MIPOL1: variants seen among roughly 807,000 people sequenced by gnomAD.
MIPOL1 encodes the protein mirror-image polydactyly gene 1 protein.
Under a neutral mutation model 60.9 loss-of-function variants are expected in MIPOL1, and 57 were observed. The ratio of observed to expected loss-of-function variants is 0.94; its 90% CI spans 0.76 to 1.17. The LOEUF (loss-of-function observed/expected upper bound fraction) is 1.17, where lower values mean the gene tolerates loss of function less well. Ranked by LOEUF, MIPOL1 falls within the 50% of genes most tolerant of loss-of-function variation. The pLI is 0.00. For synonymous variants in MIPOL1, 179 were observed against 168.8 expected (o/e 1.06, Z -0.47); for missense variants, 551 against 511.6 (o/e 1.08, Z -0.74).
At chr14:37,443,213 A>G (rs2094277651) in intron 11 of MIPOL1, among the ~76,000 whole-genome samples, 1 of 152,114 alleles carries the variant, frequency 6.6e-6, no homozygotes, top group Non-Finnish European at 1.5e-5. Context: ...TATCCATTAA[A>G]GAAATTGAAG....
chr14:37,400,485 T>G (rs2093461454), intron 10 of MIPOL1: 1 of 152,196 alleles, frequency 6.6e-6, no homozygotes, highest in Admixed American at 6.5e-5. Flanking sequence ...ATACTGGGAC[T>G]GAAGCTTGTT....
At chr14:37,288,338 A>G (rs570925917) in intron 7 of MIPOL1, among the ~76,000 whole-genome samples, 2 of 152,134 alleles carry the variant, frequency 1.3e-5, no homozygotes, top group Admixed American at 6.6e-5. Context: ...AAAAAGAGAG[A>G]TAGGGAGTGG....
At chr14:37,297,375 T>C (rs1458171180) in intron 7 of MIPOL1, among the ~76,000 whole-genome samples, 1 of 152,156 alleles carries the variant, frequency 6.6e-6, no homozygotes, top group Non-Finnish European at 1.5e-5. Flanking sequence ...ACTGGAAGCA[T>C]TCCCTTTGAA....
intron 1 of MIPOL1, among the ~76,000 whole-genome samples, chr14:37,239,055 T>C (rs1971951100): frequency 6.7e-6 from 1 of 149,604 alleles, no homozygotes; most frequent in African/African-American, 2.4e-5. Context: ...TTAATTTTTT[T>C]TTTTTTTTTT....
At chr14:37,289,593 G>A (rs1044603604) in intron 7 of MIPOL1, among the ~76,000 whole-genome samples, 1 of 152,182 alleles carries the variant, frequency 6.6e-6, no homozygotes, top group African/African-American at 2.4e-5. Context: ...CAAGGTATGG[G>A]GGAAGAGGTG....
intron 1 of MIPOL1, among the ~76,000 whole-genome samples, chr14:37,231,906 C>T (rs148093204): frequency 6.6e-6 from 1 of 151,718 alleles, no homozygotes; most frequent in African/African-American, 2.4e-5. Context: ...ATAGGGAGAT[C>T]GTATCTCTAC....
At position 37,427,349 on chromosome 14, in the gene MIPOL1, G is replaced by T. The variant is rs149521215; in HGVS notation, c.1031+4400G>T. Among the ~76,000 whole-genome samples, 71 of 152,196 alleles carry T rather than the reference G, an allele frequency of 4.7e-4. No homozygotes were observed. In the East Asian group the frequency reaches 0.013, roughly 28 times the overall value. ...GATTGTATGATTCCACTTATATGAG[G>T]TACTTAAAATAGCCAAGTTCATAGA... is the stretch of plus-strand genomic sequence containing the variant. On this transcript the variant is annotated intron_variant, in intron 11 of 12. Transcript: ENST00000684589.
At chr14:37,410,612 G>T (rs1357015040) in intron 10 of MIPOL1, among the ~76,000 whole-genome samples, 2 of 152,012 alleles carry the variant, frequency 1.3e-5, no homozygotes, top group Admixed American at 6.6e-5. Context: ...TGAATATTCG[G>T]TCAACAAAAT....
Position 37,291,515 on chromosome 14 carries a change from A to G in MIPOL1, c.623+6068A>G, listed in dbSNP as rs187634752. Among the ~76,000 whole-genome samples the G allele has an allele frequency of 2.0e-3, 299 of 152,202 alleles. 4 individuals are homozygous for G. The highest frequency in any genetic ancestry group is 0.018 in the Admixed American group (269 of 15,276). On this transcript the variant is annotated intron_variant, in intron 7 of 12. Transcript: ENST00000684589. ...ATTTCTCTTTTCACTTTATTGTGTT[A>G]GCCCCTTCTCTTTTATTTTATTGAA...
chr14:37,280,920 C>A (rs909374847), intron 6 of MIPOL1, among the ~76,000 whole-genome samples: 1 of 152,152 alleles, frequency 6.6e-6, no homozygotes, highest in African/African-American at 2.4e-5. Flanking sequence ...TGGTATTATT[C>A]TTTTCATTAA....
At chr14:37,334,568 G>A (rs1031919676) in intron 9 of MIPOL1, among the ~76,000 whole-genome samples, 3 of 151,432 alleles carry the variant, frequency 2.0e-5, no homozygotes, top group African/African-American at 2.4e-5. Flanking sequence ...AATATTTTTC[G>A]GTATATTCAG....
At chr14:37,209,801 T>C (rs1433872542) in intron 1 of MIPOL1, among the ~76,000 whole-genome samples, 4 of 151,962 alleles carry the variant, frequency 2.6e-5, no homozygotes, top group African/African-American at 7.2e-5. Flanking sequence ...CCTCCTGGGC[T>C]CAAGCAATCC....
chr14:37,212,047 C>T (rs2139322339), intron 1 of MIPOL1, among the ~76,000 whole-genome samples: 1 of 152,164 alleles, frequency 6.6e-6, no homozygotes, highest in South Asian at 2.1e-4. Context: ...AGCCCTTGGG[C>T]CCTGCATAAT....
chr14:37,365,557 C>T (rs2092443570), intron 9 of MIPOL1, among the ~76,000 whole-genome samples: 2 of 152,068 alleles, frequency 1.3e-5, no homozygotes, highest in Non-Finnish European at 2.9e-5. Context: ...AGGGATAAAT[C>T]CCACTTAGTC....
intron 11 of MIPOL1, among the ~76,000 whole-genome samples, chr14:37,470,070 A>G (rs747752388): frequency 1.3e-5 from 2 of 152,208 alleles, no homozygotes; most frequent in South Asian, 2.1e-4. Flanking sequence ...CTGCATGAAC[A>G]ACTGAGTAGA....
At chr14:37,409,153 A>G (rs768607265) in intron 10 of MIPOL1, among the ~76,000 whole-genome samples, 1 of 152,174 alleles carries the variant, frequency 6.6e-6, no homozygotes, top group Non-Finnish European at 1.5e-5. Context: ...TTAGTCCAGC[A>G]GGATTCCCAA....
At chr14:37,237,353 A>C (rs1971651087) in intron 1 of MIPOL1, among the ~76,000 whole-genome samples, 1 of 152,134 alleles carries the variant, frequency 6.6e-6, no homozygotes, top group South Asian at 2.1e-4. Context: ...CCACTGCACC[A>C]GGTAGGGGAT....
Position 37,500,041 on chromosome 14 carries a change from A to G in MIPOL1, c.1165A>G (p.Thr389Ala), listed in dbSNP as rs2095193094. 1.9e-6 allele frequency: 3 copies of G among 1,613,902 alleles called. No homozygotes were observed. Among genetic ancestry groups the G allele is most frequent in the South Asian group, 1.1e-5 (1 of 91,078 alleles). Reference protein sequence around the residue: ...ITQQQNEELATQLQQALTERA... With the variant: ...ITQQQNEELAAQLQQALTERA... ...TCAACAACAAAATGAGGAACTGGCT[A>G]CTCAACTGCAACAAGCTCTGACAGA... Residue 389 changes from threonine (T) to alanine (A), a missense_variant, in exon 12 of 13, where the codon ACT becomes GCT. Physicochemically the swap from Thr to Ala is moderately conservative, Grantham distance 58 (BLOSUM62 0). Coordinates refer to ENST00000684589, the MANE Select transcript of MIPOL1 (RefSeq NM_001388067.1).
intron 10 of MIPOL1, among the ~76,000 whole-genome samples, chr14:37,420,941 G>C (rs374547300): frequency 4.6e-5 from 7 of 152,194 alleles, no homozygotes; most frequent in African/African-American, 1.7e-4. Context: ...TAAGGATATC[G>C]TAAAGCCAGA....
Sources: gnomAD v4.1 joint callset for allele counts (sites outside exome capture counted in the v4.1 genomes callset) on GRCh38, gnomAD v4.1.1 for gene constraint, MANE v1.5 for transcripts, NCBI Gene and HGNC (gene_info 2026-07-23, HGNC 2026-07-21) for gene names.